The following WDPCP variants were observed in gnomAD, a reference collection of about 807,000 sequenced individuals.
WDPCP encodes WD repeat containing planar cell polarity effector.
A neutral mutation model predicts 93.1 loss-of-function variants in WDPCP; 71 were observed. That is an observed-to-expected ratio of 0.76 (90% confidence interval 0.63 to 0.93). The LOEUF is 0.93. WDPCP is among the 40% of genes least tolerant of loss of function. The probability of loss-of-function intolerance (pLI) is 0.00; values close to 1 mark genes in which losing one functional copy is unlikely to be tolerated. For missense variants in WDPCP, 844 were observed against 887.4 expected, an observed-to-expected ratio of 0.95 and a Z score of 0.62; for synonymous variants, 315 against 315.0, an observed-to-expected ratio of 1.00 and a Z score of 0.00.
chr2:63,425,060 T>A (rs1220836112), intron 9 of WDPCP, among the ~76,000 whole-genome samples: 4 of 152,136 alleles, frequency 2.6e-5, no homozygotes, highest in Admixed American at 6.5e-5. Context: ...AAAATACTCT[T>A]CCAGTATACA....
At chr2:63,542,693 C>T (rs150434320) in intron 1 of WDPCP, among the ~76,000 whole-genome samples, 5 of 152,174 alleles carry the variant, frequency 3.3e-5, no homozygotes, top group African/African-American at 4.8e-5. Context: ...TCAAAGGAAA[C>T]TTAAAATAAA....
chr2:63,555,128 C>T (rs549041173), intron 1 of WDPCP, among the ~76,000 whole-genome samples: 1 of 152,114 alleles, frequency 6.6e-6, no homozygotes, highest in Non-Finnish European at 1.5e-5. Context: ...CATTGCAGCT[C>T]TGGTCTGCTA....
chr2:63,561,864 G>C (rs1293288644), intron 1 of WDPCP, among the ~76,000 whole-genome samples: 1 of 152,148 alleles, frequency 6.6e-6, no homozygotes, highest in Non-Finnish European at 1.5e-5. Flanking sequence ...AAAAAGTCAA[G>C]AAACAACAGA....
At chr2:63,802,354 G>A (rs1382450947) in intron 2 of WDPCP, among the ~76,000 whole-genome samples, 6 of 142,486 alleles carry the variant, frequency 4.2e-5, no homozygotes, top group African/African-American at 1.6e-4. Context: ...CTATGGGAAG[G>A]AGGTCCCACT....
chr2:63,736,176 C>T (rs1447032818), intron 2 of WDPCP, among the ~76,000 whole-genome samples: 1 of 152,210 alleles, frequency 6.6e-6, no homozygotes, highest in Non-Finnish European at 1.5e-5. Flanking sequence ...ACCCTCATCT[C>T]ATTAATGCAT....
intron 2 of WDPCP, among the ~76,000 whole-genome samples, chr2:63,776,110 C>CATAT (rs1424626395): frequency 7.4e-6 from 1 of 134,670 alleles, no homozygotes; most frequent in African/African-American, 2.6e-5. Context: ...TACATACATA[C>CATAT]ATACATACAC....
At chr2:63,735,118 C>T (rs1386228688) in intron 2 of WDPCP, among the ~76,000 whole-genome samples, 1 of 152,002 alleles carries the variant, frequency 6.6e-6, no homozygotes, top group African/African-American at 2.4e-5. Context: ...TTGCTTCTGA[C>T]CTCATGAAAA....
chr2:63,370,723 G>T (rs182273576), intron 12 of WDPCP, among the ~76,000 whole-genome samples: 32 of 151,918 alleles, frequency 2.1e-4, no homozygotes, highest in Non-Finnish European at 3.4e-4. Flanking sequence ...TTCTTTTTTA[G>T]TCAGTTTTGG....
rs1387684159 is a variant in WDPCP, at chr2:63,404,640, G to A, written c.843C>T (p.Arg281=). 6.2e-7 allele frequency: 1 copy of A among 1,613,934 alleles called. No individual in the cohort carries two copies. The highest frequency in any genetic ancestry group is 8.5e-7 in the Non-Finnish European group (1 of 1,179,990). The stretch of plus-strand genomic sequence containing the variant: ...GAACATCCAGTGGGTCCCATTCTGT[G>A]CGGACAGAACTCAGAACCTGTTAAG... ...QGRLEVLSSV[R]TEWDPLDVRF... Residue 281 remains arginine (R), a synonymous_variant, in exon 10 of 18, where the codon CGC becomes CGT. Transcript: ENST00000272321.
At chr2:63,288,101 A>G (rs1221585810) in intron 13 of WDPCP, among the ~76,000 whole-genome samples, 1 of 152,220 alleles carries the variant, frequency 6.6e-6, no homozygotes, top group Non-Finnish European at 1.5e-5. Flanking sequence ...TATCATGCCA[A>G]GGGAAGGCAC....
chr2:63,820,475 G>A (rs1407481245), intron 1 of WDPCP, among the ~76,000 whole-genome samples: 4 of 152,076 alleles, frequency 2.6e-5, no homozygotes, highest in Non-Finnish European at 4.4e-5. Flanking sequence ...GGCTCACAGA[G>A]ACTCGTTTTT....
At chr2:63,654,652 A>G (rs113696241) in intron 2 of WDPCP, among the ~76,000 whole-genome samples, 6 of 152,272 alleles carry the variant, frequency 3.9e-5, no homozygotes, top group African/African-American at 1.4e-4. Context: ...AGGACCCCCC[A>G]GGGATAGCAG....
At chr2:63,680,685 G>A (rs1710479706) in intron 2 of WDPCP, among the ~76,000 whole-genome samples, 1 of 152,190 alleles carries the variant, frequency 6.6e-6, no homozygotes, top group African/African-American at 2.4e-5. Flanking sequence ...TGGGGGACAT[G>A]TGACCCAGTG....
intron 2 of WDPCP, among the ~76,000 whole-genome samples, chr2:63,683,890 T>C (rs151071318): frequency 6.6e-6 from 1 of 150,502 alleles, no homozygotes; most frequent in African/African-American, 2.4e-5. Flanking sequence ...CATTATATAA[T>C]GATAAAGGGG....
intron 14 of WDPCP, among the ~76,000 whole-genome samples, chr2:63,197,615 A>T (rs561484399): frequency 6.6e-6 from 1 of 152,362 alleles, no homozygotes; most frequent in Admixed American, 6.5e-5. Context: ...GATATGTATA[A>T]GGGTACTTAT....
intron 17 of WDPCP, among the ~76,000 whole-genome samples, chr2:63,152,709 T>C (rs1438236187): frequency 6.6e-6 from 1 of 152,240 alleles, no homozygotes; most frequent in South Asian, 2.1e-4. Context: ...AGCTTTTAAA[T>C]AATAATTACA....
chr2:63,248,890 A>C (rs1256084784), intron 14 of WDPCP, among the ~76,000 whole-genome samples: 1 of 147,210 alleles, frequency 6.8e-6, no homozygotes, highest in African/African-American at 2.5e-5. Flanking sequence ...TTCTTTTTTG[A>C]TATTTTCATT....
chr2:63,274,085 TGACCATATGTGTTAG>T (rs1386318770), intron 13 of WDPCP, among the ~76,000 whole-genome samples: 2 of 152,162 alleles, frequency 1.3e-5, no homozygotes, highest in African/African-American at 4.8e-5. Context: ...TCTCCAGGAT[TGACCATATGTGTTAG>T]GCCACAAAAC....
At chr2:63,835,389 CAAAAAAAAAAAAAA>C in the WDPCP span, among the ~76,000 whole-genome samples, 1 of 42,352 alleles carries the variant, frequency 2.4e-5, no homozygotes, top group Admixed American at 2.4e-4. Flanking sequence ...GACTCCATCT[CAAAAAAAAAAAAAA>C]AAAAAAAAAG....
Sources: gnomAD v4.1 joint callset for allele counts (sites outside exome capture counted in the v4.1 genomes callset) on GRCh38, gnomAD v4.1.1 for gene constraint, MANE v1.5 for transcripts, NCBI Gene and HGNC (gene_info 2026-07-23, HGNC 2026-07-21) for gene names.